Variants in ASRGL1 observed in about 807,000 individuals in gnomAD.
ASRGL1 encodes the protein asparaginase and isoaspartyl peptidase 1.
In ASRGL1, 16 loss-of-function variants were observed where a neutral mutation model predicts 22.4. That is an observed-to-expected ratio of 0.71 (90% CI 0.48 to 1.08). ASRGL1 has a LOEUF of 1.08. Ranked by LOEUF, ASRGL1 falls within the 50% of genes least tolerant of loss-of-function variation. ASRGL1 has a pLI of 0.00. For missense variants in ASRGL1, 412 were observed against 410.1 expected (o/e 1.00, Z -0.04); for synonymous variants, 165 against 159.3 (o/e 1.04, Z -0.27).
intron 4 of ASRGL1, among the ~76,000 whole-genome samples, chr11:62,376,100 C>CAAAAAAA (rs35931241): frequency 5.8e-5 from 3 of 51,560 alleles, no homozygotes; most frequent in Non-Finnish European, 6.7e-5. Flanking sequence ...GACTCCATCT[C>CAAAAAAA]AAAAAAAAAA....
chr11:62,386,457 T>G (rs1947207826), intron 4 of ASRGL1, among the ~76,000 whole-genome samples: 1 of 149,784 alleles, frequency 6.7e-6, no homozygotes, highest in Non-Finnish European at 1.5e-5. Context: ...GATATGTACA[T>G]ATCATACATA....
At chr11:62,386,698 A>G (rs909712581) in intron 4 of ASRGL1, among the ~76,000 whole-genome samples, 2 of 152,222 alleles carry the variant, frequency 1.3e-5, no homozygotes, top group African/African-American at 4.8e-5. Context: ...ACACAGGTGT[A>G]TAATTGCTGA....
chr11:62,370,271 ACAAT>A (rs1311652847), intron 4 of ASRGL1, among the ~76,000 whole-genome samples: 1 of 152,190 alleles, frequency 6.6e-6, no homozygotes, highest in African/African-American at 2.4e-5. Flanking sequence ...ATGCAAGTAA[ACAAT>A]CTGCAGTTTT....
chr11:62,381,276 C>A (rs1321981961), intron 4 of ASRGL1, among the ~76,000 whole-genome samples: 2 of 152,164 alleles, frequency 1.3e-5, no homozygotes, highest in Non-Finnish European at 2.9e-5. Context: ...GATGGCCCCG[C>A]TAATTCTGGA....
downstream of ASRGL1, among the ~76,000 whole-genome samples, chr11:62,395,292 G>A (rs973448574): frequency 2.0e-5 from 3 of 152,064 alleles, no homozygotes; most frequent in Admixed American, 6.6e-5. Flanking sequence ...GCCCGGCCCC[G>A]CCCCCACTTG....
At chr11:62,362,646 A>T (rs12573986) in intron 4 of ASRGL1, among the ~76,000 whole-genome samples, 8 of 48,422 alleles carry the variant, frequency 1.7e-4, no homozygotes, top group South Asian at 4.3e-4. Context: ...TATAATATAT[A>T]ATATATATTA....
chr11:62,384,027 C>T (rs1196999199), intron 4 of ASRGL1, among the ~76,000 whole-genome samples: 2 of 136,036 alleles, frequency 1.5e-5, no homozygotes, highest in East Asian at 2.2e-4. Context: ...TGTGTGTGCA[C>T]GTGTGTGCGT....
chr11:62,396,385 G>C (rs1014645096), downstream of ASRGL1, among the ~76,000 whole-genome samples: 2 of 152,110 alleles, frequency 1.3e-5, no homozygotes, highest in African/African-American at 4.8e-5. Context: ...AGCCACAGCC[G>C]TCCATAGCAC....
At chr11:62,350,534 G>A (rs1257010116) in intron 2 of ASRGL1, among the ~76,000 whole-genome samples, 6 of 152,198 alleles carry the variant, frequency 3.9e-5, no homozygotes, top group African/African-American at 9.6e-5. Context: ...AGTGGCTCAC[G>A]CCTGTAATGC....
intron 4 of ASRGL1, among the ~76,000 whole-genome samples, chr11:62,359,629 G>A (rs1946385869): frequency 1.3e-5 from 2 of 152,074 alleles, no homozygotes; most frequent in Admixed American, 1.3e-4. Context: ...TTAGCTAGCA[G>A]CCACTCAGTA....
At position 62,392,293 on chromosome 11, in the gene ASRGL1, A is replaced by G. The variant is rs1167046634; in HGVS notation, c.*9A>G. 2 of 1,612,720 alleles carry G rather than the reference A, an allele frequency of 1.2e-6. No homozygotes were observed. The highest frequency in any genetic ancestry group is 1.1e-5 in the South Asian group (1 of 91,012). ...TCACCGACCTTCCCTAAGCCGCTGG[A>G]AGATTGTATTCCAGATGCTAGCTTA... On this transcript the variant is annotated 3_prime_UTR_variant, in exon 7 of 7. Coordinates refer to ENST00000415229, the MANE Select transcript of ASRGL1 (RefSeq NM_001083926.2).
downstream of ASRGL1, among the ~76,000 whole-genome samples, chr11:62,395,759 CTTTTTTTTTTTTTTTTTT>C (rs564952668): frequency 1.4e-5 from 1 of 71,916 alleles, no homozygotes; most frequent in African/African-American, 5.1e-5. Flanking sequence ...GTAGCTGTTT[CTTTTTTTTTTTTTTTTTT>C]TTTTTTTTTT....
rs34446979 is a variant in ASRGL1, at chr11:62,343,918, CTT to C, written c.190+5771_190+5772del. 6.7e-4 allele frequency among the ~76,000 whole-genome samples: 67 copies of C among 100,654 alleles called. No individual in the cohort carries two copies. The East Asian group carries it at 8.0e-3, about 12-fold the overall frequency. The allele number at this position is 100,654 out of a possible 152,430, so 66.0% of individuals were successfully genotyped here. A position where few individuals can be genotyped will look rare whatever the true frequency, so the allele number is the denominator to read the frequency against. On this transcript the variant is annotated intron_variant, in intron 2 of 6. Coordinates refer to ENST00000415229, the MANE Select transcript of ASRGL1 (RefSeq NM_001083926.2). ...TCATGTGCTTTTTTGTCATGCATTTCTTTTTTTTTTTTTTTTTTTTTCTTTTT... is the reference window on the plus strand; with the variant it reads ...TCATGTGCTTTTTTGTCATGCATTTCTTTTTTTTTTTTTTTTTTTCTTTTT...
chr11:62,343,918 C>CTT (rs34446979), intron 2 of ASRGL1, among the ~76,000 whole-genome samples: 2,266 of 100,672 alleles, frequency 0.023, 144 homozygotes, highest in Non-Finnish European at 0.029. Flanking sequence ...TCATGCATTT[C>CTT]TTTTTTTTTT....
intron 4 of ASRGL1, among the ~76,000 whole-genome samples, chr11:62,376,334 C>T (rs983305660): frequency 3.9e-5 from 6 of 151,970 alleles, no homozygotes; most frequent in Non-Finnish European, 7.4e-5. Context: ...TTTCTGTCTC[C>T]GCGGAGGCGC....
chr11:62,371,569 G>T, intron 4 of ASRGL1: 1 of 695,984 alleles, frequency 1.4e-6, no homozygotes, highest in Admixed American at 1.8e-5. Context: ...ACAATACACT[G>T]CGGAAGGCCA....
intron 4 of ASRGL1, chr11:62,382,848 G>T (rs1396621677): frequency 6.6e-6 from 1 of 152,224 alleles, no homozygotes; most frequent in Non-Finnish European, 1.5e-5. Context: ...GAATGGTAAT[G>T]ACTTTTAACA....
intron 2 of ASRGL1, among the ~76,000 whole-genome samples, chr11:62,352,655 G>A (rs563232425): frequency 3.0e-4 from 45 of 152,296 alleles, no homozygotes; most frequent in African/African-American, 1.0e-3. Context: ...CAATCTGAGA[G>A]TATCTTGGTT....
intron 4 of ASRGL1, among the ~76,000 whole-genome samples, chr11:62,363,150 G>T (rs1036614220): frequency 1.1e-4 from 16 of 151,300 alleles, no homozygotes; most frequent in African/African-American, 3.9e-4. Flanking sequence ...AGCCAGGATG[G>T]TCTCAATCTC....
Sources: allele counts gnomAD v4.1 joint callset (sites outside exome capture counted in the v4.1 genomes callset), GRCh38; gene constraint gnomAD v4.1.1; transcripts MANE v1.5; gene names NCBI Gene and HGNC (gene_info 2026-07-23, HGNC 2026-07-21).